Variants in CDH13 observed in about 807,000 individuals in gnomAD.
The protein encoded by CDH13 is cadherin 13, also known as cadherin-13.
Under a neutral mutation model 63.8 loss-of-function variants are expected in CDH13, and 24 were observed. The ratio of observed to expected loss-of-function variants is 0.38; its 90% CI spans 0.27 to 0.53. The LOEUF is 0.53. Among genes scored for constraint, CDH13 ranks in the 20% least tolerant of loss-of-function variants. CDH13 has a pLI of 0.85. For missense variants in CDH13, 1,049 were observed against 903.1 expected (o/e 1.16, Z -2.07); for synonymous variants, 503 against 355.3 (o/e 1.42, Z -4.67).
In CDH13 at chr16:83,424,109, C is replaced by G. The variant is rs1187400596; in HGVS notation, c.782-62368C>G. Among the ~76,000 whole-genome samples, 3 of 151,528 alleles carry G rather than the reference C, an allele frequency of 2.0e-5. No individual in the cohort carries two copies. The East Asian group carries it at 5.8e-4, about 29-fold the overall frequency. On this transcript the variant is annotated intron_variant, in intron 6 of 13. Transcript: ENST00000567109. Reference sequence around the variant, plus strand: ...CTGAAAAGTCTAGAAGAGGGAAATCCAAAACGTACTGAACAGTCTAGAAGA... The same window carrying G: ...CTGAAAAGTCTAGAAGAGGGAAATCGAAAACGTACTGAACAGTCTAGAAGA...
chr16:83,539,487 AG>A (rs2075259738), intron 7 of CDH13, among the ~76,000 whole-genome samples: 2 of 152,218 alleles, frequency 1.3e-5, no homozygotes, highest in Admixed American at 1.3e-4. Flanking sequence ...AAGAAATGCT[AG>A]TCCACATGAA....
intron 7 of CDH13, among the ~76,000 whole-genome samples, chr16:83,522,413 C>T (rs1841487481): frequency 6.6e-6 from 1 of 152,118 alleles, no homozygotes; most frequent in Non-Finnish European, 1.5e-5. Context: ...GAAGAAAGTT[C>T]CACAGCGCAA....
chr16:83,033,037 ATGT>A (rs1192993776), intron 3 of CDH13, among the ~76,000 whole-genome samples: 1 of 152,166 alleles, frequency 6.6e-6, no homozygotes, highest in Non-Finnish European at 1.5e-5. Flanking sequence ...GTATGTGTAT[ATGT>A]TGTACATGTA....
intron 1 of CDH13, among the ~76,000 whole-genome samples, chr16:82,789,978 A>T (rs55936760): frequency 3.9e-5 from 6 of 152,044 alleles, no homozygotes; most frequent in African/African-American, 7.2e-5. Flanking sequence ...ATCTCTGTCT[A>T]TTGGCGAGAT....
rs1009180068 is a variant in CDH13 at position 82,777,458 on chromosome 16, G to T, written c.46-80904G>T. 5.9e-5 allele frequency among the ~76,000 whole-genome samples: 9 copies of T among 152,336 alleles called. No homozygotes were observed. In the South Asian group the frequency reaches 1.5e-3, roughly 25 times the overall value. Reference sequence around the variant, plus strand: ...CCACACTGTGGTCTTTGTGAATGGTGCCTCCAAGAGTTGTGCCCCTGGGTG... The same window carrying T: ...CCACACTGTGGTCTTTGTGAATGGTTCCTCCAAGAGTTGTGCCCCTGGGTG... On this transcript the variant is annotated intron_variant, in intron 1 of 13. Coordinates refer to ENST00000567109, the MANE Select transcript of CDH13 (RefSeq NM_001257.5).
At chr16:83,487,227 C>A (rs1348113138) in intron 7 of CDH13, among the ~76,000 whole-genome samples, 1 of 152,208 alleles carries the variant, frequency 6.6e-6, no homozygotes, top group African/African-American at 2.4e-5. Flanking sequence ...CCCAGTCAGT[C>A]CACATGCCTG....
chr16:82,907,843 T>G (rs1209316081), intron 2 of CDH13, among the ~76,000 whole-genome samples: 1 of 152,172 alleles, frequency 6.6e-6, no homozygotes, highest in Non-Finnish European at 1.5e-5. Context: ...GTATTTTGAG[T>G]ATGTTCCCCC....
chr16:82,692,675 A>T (rs752364098), intron 1 of CDH13, among the ~76,000 whole-genome samples: 4 of 152,236 alleles, frequency 2.6e-5, no homozygotes, highest in Non-Finnish European at 5.9e-5. Context: ...TGAATAGGTG[A>T]TATGGCAGTG....
intron 6 of CDH13, among the ~76,000 whole-genome samples, chr16:83,481,116 T>A (rs914474890): frequency 6.6e-6 from 1 of 152,208 alleles, no homozygotes; most frequent in Non-Finnish European, 1.5e-5. Flanking sequence ...ATCAAAGAGG[T>A]TCACCTGGTG....
chr16:83,759,217 T>A (rs970508137), intron 11 of CDH13, among the ~76,000 whole-genome samples: 1 of 152,282 alleles, frequency 6.6e-6, no homozygotes, highest in East Asian at 1.9e-4. Context: ...TGCAATAGAA[T>A]AGAGAATTCA....
Position 82,801,738 on chromosome 16 carries a change from C to T in CDH13, c.46-56624C>T, listed in dbSNP as rs554699099. Among the ~76,000 whole-genome samples, 5 of 152,350 alleles carry T rather than the reference C, an allele frequency of 3.3e-5. No homozygotes were observed. In the South Asian group the frequency reaches 1.0e-3, roughly 32 times the overall value. On this transcript the variant is annotated intron_variant, in intron 1 of 13. Transcript: ENST00000567109. ...AAAATTATTCCATGTTACTTCAATA[C>T]TTTTACCCAGAGCCTTGTAACAATC...
At chr16:83,425,077 A>G (rs557513227) in intron 6 of CDH13, among the ~76,000 whole-genome samples, 1 of 152,328 alleles carries the variant, frequency 6.6e-6, no homozygotes, top group Non-Finnish European at 1.5e-5. Flanking sequence ...GCATGCTTAC[A>G]ACCTCGGTCA....
At chr16:83,220,112 C>G (rs1397015392) in intron 5 of CDH13, among the ~76,000 whole-genome samples, 1 of 152,190 alleles carries the variant, frequency 6.6e-6, no homozygotes, top group African/African-American at 2.4e-5. Context: ...TCATGAGGGC[C>G]TACTTTCTGA....
chr16:82,999,839 A>C (rs774270718), intron 2 of CDH13, among the ~76,000 whole-genome samples: 3 of 152,154 alleles, frequency 2.0e-5, no homozygotes, highest in Non-Finnish European at 2.9e-5. Context: ...CGGTCCTTCT[A>C]AGAAGCAGAT....
In CDH13 at chr16:83,645,493, C is replaced by G. The variant is rs1377323060; in HGVS notation, c.1102-25297C>G. ...GTAATAGGTGTGCTAGAAGCCCAAT[C>G]TTCACCAAGAGACAATATACCCATA... On this transcript the variant is annotated intron_variant, in intron 8 of 13. Coordinates refer to ENST00000567109, the MANE Select transcript of CDH13 (RefSeq NM_001257.5). Among the ~76,000 whole-genome samples, 9 of 151,950 alleles carry G rather than the reference C, an allele frequency of 5.9e-5. No homozygotes were observed. The East Asian group carries it at 1.7e-3, about 29-fold the overall frequency.
intron 8 of CDH13, among the ~76,000 whole-genome samples, chr16:83,619,754 T>A (rs938810321): frequency 6.6e-6 from 1 of 152,256 alleles, no homozygotes; most frequent in African/African-American, 2.4e-5. Context: ...GTAGCCTCGC[T>A]GTAACTTGAT....
At chr16:83,002,638 A>G (rs1187823812) in intron 2 of CDH13, among the ~76,000 whole-genome samples, 1 of 152,224 alleles carries the variant, frequency 6.6e-6, no homozygotes, top group Non-Finnish European at 1.5e-5. Flanking sequence ...GGTTGTGATC[A>G]ATGTAACACA....
At position 83,104,212 on chromosome 16, in the gene CDH13, T is replaced by C. The variant is rs530042595; in HGVS notation, c.367-21173T>C. On this transcript the variant is annotated intron_variant, in intron 3 of 13. Coordinates refer to ENST00000567109, the MANE Select transcript of CDH13 (RefSeq NM_001257.5). ...CAGGGAAACCTCAGATGTGGGAGAA[T>C]ATCAAATGTGGAACTTTTCCTTGTT... Among the ~76,000 whole-genome samples the C allele has an allele frequency of 1.1e-3, 173 of 152,338 alleles. 1 individual carries two copies. Among genetic ancestry groups the C allele is most frequent in the South Asian group, 9.5e-3 (46 of 4,832 alleles).
At chr16:83,197,347 C>T (rs2038904735) in intron 4 of CDH13, among the ~76,000 whole-genome samples, 2 of 151,838 alleles carry the variant, frequency 1.3e-5, no homozygotes. Context: ...CATGGAAAGC[C>T]GGGTATCCAT....
Sources: allele counts gnomAD v4.1 joint callset (sites outside exome capture counted in the v4.1 genomes callset), GRCh38; gene constraint gnomAD v4.1.1; transcripts MANE v1.5; gene names NCBI Gene and HGNC (gene_info 2026-07-23, HGNC 2026-07-21).